RIMS2: variants seen among roughly 807,000 people sequenced by gnomAD.
RIMS2 encodes the protein regulating synaptic membrane exocytosis protein 2.
In RIMS2, 59 loss-of-function variants were observed where a neutral mutation model predicts 174.4. The ratio of observed to expected loss-of-function variants is 0.34; its 90% CI spans 0.27 to 0.42. RIMS2 has a LOEUF of 0.42. Among genes scored for constraint, RIMS2 ranks in the 10% least tolerant of loss-of-function variants. RIMS2 has a pLI of 1.00. For missense variants in RIMS2, 1,620 were observed against 1,666.3 expected (o/e 0.97, Z 0.48); for synonymous variants, 606 against 572.5 (o/e 1.06, Z -0.84).
chr8:103,551,587 A>G (rs1485048205), intron 1 of RIMS2, among the ~76,000 whole-genome samples: 1 of 152,200 alleles, frequency 6.6e-6, no homozygotes, highest in Non-Finnish European at 1.5e-5. Context: ...ATAGTGTTGG[A>G]AGTTCTGGCC....
chr8:103,774,587 G>T (rs1370214276), intron 3 of RIMS2, among the ~76,000 whole-genome samples: 1 of 152,116 alleles, frequency 6.6e-6, no homozygotes, highest in African/African-American at 2.4e-5. Context: ...TGGCACAAAA[G>T]AGTACATAAG....
intron 3 of RIMS2, among the ~76,000 whole-genome samples, chr8:103,877,186 TCACTG>T (rs1007598747): frequency 1.3e-5 from 2 of 149,734 alleles, no homozygotes; most frequent in African/African-American, 4.9e-5. Context: ...TGTTCTTTTT[TCACTG>T]CATCTACACC....
intron 19 of RIMS2, among the ~76,000 whole-genome samples, chr8:104,115,692 C>T (rs2098268120): frequency 6.6e-6 from 1 of 151,902 alleles, no homozygotes; most frequent in African/African-American, 2.4e-5. Flanking sequence ...AACTTAAAGA[C>T]CTAAAGGGGC....
In RIMS2 at chr8:103,815,697, G is replaced by A. The variant is rs542992192; in HGVS notation, c.698+49160G>A. On this transcript the variant is annotated intron_variant, in intron 3 of 23. Coordinates refer to ENST00000504942, the Ensembl canonical transcript of RIMS2. ...ATAGAAGGATAGAGACTTGGACAAA[G>A]AAAATATAAATATTTGTCAAATGAA... 2.6e-3 allele frequency among the ~76,000 whole-genome samples: 392 copies of A among 152,116 alleles called. 2 individuals are homozygous for A. Among genetic ancestry groups the A allele is most frequent in the Non-Finnish European group, 4.3e-3 (293 of 67,976 alleles).
At chr8:104,167,997 G>T (rs2135258747) in intron 19 of RIMS2, among the ~76,000 whole-genome samples, 1 of 152,036 alleles carries the variant, frequency 6.6e-6, no homozygotes, top group Non-Finnish European at 1.5e-5. Context: ...TTTATTCCTG[G>T]GTTCTCTATT....
chr8:103,781,646 G>A (rs1225274514), intron 3 of RIMS2, among the ~76,000 whole-genome samples: 3 of 147,772 alleles, frequency 2.0e-5, no homozygotes, highest in East Asian at 2.0e-4. Context: ...CTTTGAATGT[G>A]TTTTGGAGTA....
At chr8:104,067,558 T>TTTGTTG (rs145948654) in intron 19 of RIMS2, among the ~76,000 whole-genome samples, 34 of 151,418 alleles carry the variant, frequency 2.2e-4, no homozygotes, top group African/African-American at 5.8e-4. Flanking sequence ...ACCTGGCTAA[T>TTTGTTG]TTGTTGTTGT....
chr8:103,625,182 CT>C (rs34818635), intron 1 of RIMS2, among the ~76,000 whole-genome samples: 37,565 of 147,896 alleles, frequency 0.25, 4,926 homozygotes, highest in Non-Finnish European at 0.27. Context: ...ATAATGCAAC[CT>C]TTTTTTTTTT....
chr8:104,041,932 ACAGT>A (rs1006704176), intron 19 of RIMS2, among the ~76,000 whole-genome samples: 3 of 151,614 alleles, frequency 2.0e-5, no homozygotes, highest in African/African-American at 7.2e-5. Flanking sequence ...TTTCAACTAG[ACAGT>A]CAGAAAAAGT....
At chr8:104,236,226 G>A (rs564420677) in intron 19 of RIMS2, among the ~76,000 whole-genome samples, 1 of 152,062 alleles carries the variant, frequency 6.6e-6, no homozygotes, top group South Asian at 2.1e-4. Context: ...TCCTAGGCAT[G>A]CTACATTTCA....
intron 2 of RIMS2, among the ~76,000 whole-genome samples, chr8:103,700,672 T>C (rs534884265): frequency 6.6e-6 from 1 of 151,994 alleles, no homozygotes; most frequent in Non-Finnish European, 1.5e-5. Context: ...CCTTGCTTTT[T>C]TGATTTTGTC....
intron 3 of RIMS2, among the ~76,000 whole-genome samples, chr8:103,831,823 T>C (rs1296637448): frequency 6.6e-6 from 1 of 152,142 alleles, no homozygotes; most frequent in Non-Finnish European, 1.5e-5. Flanking sequence ...CAACTAAAAA[T>C]GGCTTAAGGA....
At chr8:104,196,213 T>G (rs942447571) in intron 19 of RIMS2, among the ~76,000 whole-genome samples, 30 of 152,260 alleles carry the variant, frequency 2.0e-4, no homozygotes, top group African/African-American at 6.0e-4. Context: ...TATAATGAAT[T>G]TATTCAATTT....
At chr8:103,687,679 A>T (rs1230198465) in intron 1 of RIMS2, among the ~76,000 whole-genome samples, 3 of 152,068 alleles carry the variant, frequency 2.0e-5, no homozygotes, top group East Asian at 3.9e-4. Context: ...CCCATACCCC[A>T]GTCTCTGGTG....
chr8:103,807,058 A>G (rs986711631), intron 3 of RIMS2, among the ~76,000 whole-genome samples: 15 of 152,078 alleles, frequency 9.9e-5, no homozygotes, highest in African/African-American at 3.6e-4. Context: ...GCAAAGATAT[A>G]CAGAAGATAT....
chr8:104,058,684 A>G (rs199863884), intron 19 of RIMS2, among the ~76,000 whole-genome samples: 2 of 151,964 alleles, frequency 1.3e-5, no homozygotes, highest in Non-Finnish European at 2.9e-5. Context: ...TTTTCTTCTA[A>G]GGTTTTTATG....
At chr8:103,747,781 A>G (rs944701887) in intron 2 of RIMS2, among the ~76,000 whole-genome samples, 1 of 152,174 alleles carries the variant, frequency 6.6e-6, no homozygotes, top group Admixed American at 6.5e-5. Flanking sequence ...CTGCAGGTGG[A>G]GCAATTTCCG....
intron 2 of RIMS2, among the ~76,000 whole-genome samples, chr8:103,702,964 G>T (rs1176672): frequency 2.1e-5 from 3 of 145,058 alleles, no homozygotes; most frequent in Admixed American, 6.8e-5. Context: ...GAGGAATGTT[G>T]TTGGGTGTTT....
At chr8:104,128,924 G>A (rs1272596817) in intron 19 of RIMS2, among the ~76,000 whole-genome samples, 4 of 152,198 alleles carry the variant, frequency 2.6e-5, no homozygotes, top group Non-Finnish European at 5.9e-5. Flanking sequence ...CTTGGGCTCA[G>A]TGGGCTAAGG....
Sources: allele counts gnomAD v4.1 joint callset (sites outside exome capture counted in the v4.1 genomes callset), GRCh38; gene constraint gnomAD v4.1.1; transcripts MANE v1.5; gene names NCBI Gene and HGNC (gene_info 2026-07-23, HGNC 2026-07-21).